The following GTF2F2 variants were observed in gnomAD, a reference collection of about 807,000 sequenced individuals.
The protein encoded by GTF2F2 is general transcription factor IIF subunit 2.
Under a neutral mutation model 42.2 loss-of-function variants are expected in GTF2F2, and 23 were observed. That is an observed-to-expected ratio of 0.55 (90% confidence interval 0.39 to 0.77). The LOEUF is 0.77. Ranked by LOEUF, GTF2F2 falls within the 30% of genes least tolerant of loss-of-function variation. The pLI, the probability that GTF2F2 is intolerant of heterozygous loss-of-function variation, is 0.00. For synonymous variants in GTF2F2, 105 were observed against 100.8 expected, an observed-to-expected ratio of 1.04 and a Z score of -0.25; for missense variants, 261 against 287.2, an observed-to-expected ratio of 0.91 and a Z score of 0.66.
intron 5 of GTF2F2, among the ~76,000 whole-genome samples, chr13:45,238,315 A>C (rs544824242): frequency 4.6e-5 from 7 of 152,156 alleles, no homozygotes; most frequent in Non-Finnish European, 1.0e-4. Context: ...TTGGAGTTTA[A>C]GGTGATTTTA....
intron 5 of GTF2F2, among the ~76,000 whole-genome samples, chr13:45,216,461 T>C (rs1162968922): frequency 6.6e-6 from 1 of 152,126 alleles, no homozygotes; most frequent in African/African-American, 2.4e-5. Context: ...CCCAAATGTG[T>C]GATTTTTAAT....
intron 5 of GTF2F2, among the ~76,000 whole-genome samples, chr13:45,222,039 C>G (rs1874142214): frequency 6.6e-6 from 1 of 152,088 alleles, no homozygotes; most frequent in Non-Finnish European, 1.5e-5. Flanking sequence ...GTATAGACTT[C>G]TCCCCACCGC....
intron 4 of GTF2F2, among the ~76,000 whole-genome samples, chr13:45,175,022 G>A (rs535996156): frequency 6.6e-6 from 1 of 152,226 alleles, no homozygotes; most frequent in East Asian, 1.9e-4. Flanking sequence ...TAGTCACCTT[G>A]CAGTGTAATA....
At position 45,283,597 on chromosome 13, in the gene GTF2F2, G is replaced by A. The variant is rs773797974; in HGVS notation, c.*36G>A. 16 of 1,554,736 alleles carry A rather than the reference G, an allele frequency of 1.0e-5. No homozygotes were observed. The highest frequency in any genetic ancestry group is 1.4e-5 in the Non-Finnish European group (16 of 1,152,184). On this transcript the variant is annotated 3_prime_UTR_variant, in exon 8 of 8. Transcript: ENST00000340473. ...AGCCAGCATGCTAGTGAAACGACTA[G>A]CAGCGATGCTATGCAAAAGGCGCTG...
intron 5 of GTF2F2, among the ~76,000 whole-genome samples, chr13:45,233,586 G>A (rs1874797445): frequency 6.6e-6 from 1 of 152,208 alleles, no homozygotes. Flanking sequence ...CTTTTAGCCA[G>A]TCATAGAGGA....
At chr13:45,217,720 A>G (rs1266149911) in intron 5 of GTF2F2, among the ~76,000 whole-genome samples, 4 of 152,242 alleles carry the variant, frequency 2.6e-5, no homozygotes, top group African/African-American at 9.6e-5. Context: ...ACAGCTTTGC[A>G]GGATAAAAAT....
chr13:45,189,182 C>G (rs868098838), intron 4 of GTF2F2, among the ~76,000 whole-genome samples: 1 of 151,952 alleles, frequency 6.6e-6, no homozygotes, highest in Non-Finnish European at 1.5e-5. Flanking sequence ...GATATTTTGC[C>G]GAGAATGATG....
intron 4 of GTF2F2, chr13:45,206,350 CT>C (rs1304508664): frequency 2.6e-5 from 4 of 152,204 alleles, no homozygotes; most frequent in Admixed American, 2.6e-4. Context: ...ATTTATCTGT[CT>C]CCCCCAGTGA....
chr13:45,265,258 C>CAA (rs1047526303), intron 6 of GTF2F2, among the ~76,000 whole-genome samples: 7 of 132,598 alleles, frequency 5.3e-5, no homozygotes, highest in Non-Finnish European at 8.2e-5. Context: ...GACACCATTT[C>CAA]AAAAAAAAAA....
intron 4 of GTF2F2, among the ~76,000 whole-genome samples, chr13:45,169,950 GT>G (rs1391647325): frequency 6.6e-6 from 1 of 152,144 alleles, no homozygotes; most frequent in East Asian, 1.9e-4. Context: ...TAAGAACTAG[GT>G]TTTTAACACA....
At chr13:45,165,087 T>C (rs555231204) in intron 4 of GTF2F2, among the ~76,000 whole-genome samples, 63 of 152,178 alleles carry the variant, frequency 4.1e-4, no homozygotes, top group African/African-American at 1.4e-3. Context: ...TGAGCACTTA[T>C]TTTATTTGCT....
chr13:45,133,483 G>A (rs1039558263), intron 1 of GTF2F2, among the ~76,000 whole-genome samples: 7 of 151,996 alleles, frequency 4.6e-5, no homozygotes, highest in African/African-American at 1.7e-4. Flanking sequence ...CTCAACATAG[G>A]GAGAAGAAAA....
intron 4 of GTF2F2, among the ~76,000 whole-genome samples, chr13:45,187,368 A>T (rs1271740246): frequency 1.3e-5 from 2 of 152,258 alleles, no homozygotes; most frequent in Non-Finnish European, 2.9e-5. Flanking sequence ...GTATTTTATT[A>T]TACAATGCTT....
intron 2 of GTF2F2, among the ~76,000 whole-genome samples, chr13:45,142,160 A>G (rs866644615): frequency 3.9e-5 from 6 of 152,168 alleles, no homozygotes; most frequent in Middle Eastern, 3.2e-3. Flanking sequence ...AGTTGAAGAA[A>G]AAGTAAGCCC....
intron 7 of GTF2F2, among the ~76,000 whole-genome samples, chr13:45,280,581 T>G (rs1877220386): frequency 1.3e-5 from 2 of 152,200 alleles, no homozygotes. Flanking sequence ...CTTGAGAAAT[T>G]GACTGACTAT....
chr13:45,272,731 C>T (rs967640815), intron 7 of GTF2F2, among the ~76,000 whole-genome samples: 5 of 148,678 alleles, frequency 3.4e-5, no homozygotes, highest in African/African-American at 7.4e-5. Flanking sequence ...GGTGACAGAG[C>T]GAGACCGTGT....
At chr13:45,204,963 G>A (rs1009580857) in intron 4 of GTF2F2, among the ~76,000 whole-genome samples, 1 of 152,120 alleles carries the variant, frequency 6.6e-6, no homozygotes, top group South Asian at 2.1e-4. Flanking sequence ...AGTTGTAATG[G>A]GCAGTTGCTG....
intron 5 of GTF2F2, among the ~76,000 whole-genome samples, chr13:45,229,215 T>G (rs1332559377): frequency 2.0e-5 from 3 of 152,090 alleles, no homozygotes; most frequent in Non-Finnish European, 4.4e-5. Flanking sequence ...TCGCTCCCTC[T>G]TTTTCTCTCT....
At chr13:45,198,176 T>G (rs1872997325) in intron 4 of GTF2F2, among the ~76,000 whole-genome samples, 1 of 152,214 alleles carries the variant, frequency 6.6e-6, no homozygotes, top group Admixed American at 6.5e-5. Flanking sequence ...AACCTTCCAC[T>G]ATGAGGTAAT....
Sources: allele counts gnomAD v4.1 joint callset (sites outside exome capture counted in the v4.1 genomes callset), GRCh38; gene constraint gnomAD v4.1.1; transcripts MANE v1.5; gene names NCBI Gene and HGNC (gene_info 2026-07-23, HGNC 2026-07-21).